TANGO2: variants seen among roughly 807,000 people sequenced by gnomAD.
TANGO2 encodes transport and golgi organization 2 homolog, also known as transport and Golgi organization protein 2 homolog.
In TANGO2, 26 loss-of-function variants were observed where a neutral mutation model predicts 39.1. The observed-to-expected ratio is 0.67, with a 90% CI of 0.49 to 0.92. The LOEUF (loss-of-function observed/expected upper bound fraction) is 0.92. TANGO2 is among the 40% of genes least tolerant of loss of function. The pLI, the probability that TANGO2 is intolerant of heterozygous loss-of-function variation, is 0.00. For missense variants in TANGO2, 326 were observed against 360.1 expected (o/e 0.91, Z 0.77); for synonymous variants, 131 against 144.5 (o/e 0.91, Z 0.67).
At chr22:20,020,445 G>A (rs1156525909), upstream of TANGO2, among the ~76,000 whole-genome samples, 1 of 151,752 alleles carries the variant, frequency 6.6e-6, no homozygotes, top group East Asian at 2.0e-4. Flanking sequence ...CCCTGCACAA[G>A]TCAAGCTGGG....
chr22:20,032,541 C>A (rs1268622133), intron 1 of TANGO2, among the ~76,000 whole-genome samples: 1 of 152,268 alleles, frequency 6.6e-6, no homozygotes, highest in East Asian at 1.9e-4. Flanking sequence ...GCCTCAGGGC[C>A]AACCCTGCAT....
In TANGO2 at chr22:20,057,237, C is replaced by G. The variant is rs772278376; in HGVS notation, c.451+1224C>G. On this transcript the variant is annotated intron_variant, in intron 6 of 8. Transcript: ENST00000327374. This position sits in a 1 kb window ranked among gnomAD's most constrained non-coding sequence, Gnocchi z 4.1. Reference sequence around the variant, plus strand: ...GGGCTGGTGGTGCTGACGGGCTCATCATGAGTCCTGTGGTCCTTGCCTGGC... The same window carrying G: ...GGGCTGGTGGTGCTGACGGGCTCATGATGAGTCCTGTGGTCCTTGCCTGGC... Among the ~76,000 whole-genome samples, 4 of 152,196 alleles carry G rather than the reference C, an allele frequency of 2.6e-5. No individual in the cohort carries two copies. Among genetic ancestry groups the G allele is most frequent in the Admixed American group, 2.0e-4 (3 of 15,282 alleles).
At chr22:20,022,617 G>T (rs1036042908) in intron 1 of TANGO2, among the ~76,000 whole-genome samples, 1 of 152,248 alleles carries the variant, frequency 6.6e-6, no homozygotes, top group African/African-American at 2.4e-5. Flanking sequence ...TTCACTTGTG[G>T]GCTGTCATTC....
intron 2 of TANGO2, chr22:20,037,122 G>A: frequency 6.6e-7 from 1 of 1,509,848 alleles, no homozygotes; most frequent in Non-Finnish European, 8.8e-7. Flanking sequence ...CATGGGTCCA[G>A]GTGGGCTGCA....
At chr22:20,022,985 C>A (rs1378694192) in intron 1 of TANGO2, among the ~76,000 whole-genome samples, 1 of 152,234 alleles carries the variant, frequency 6.6e-6, no homozygotes, top group Non-Finnish European at 1.5e-5. Context: ...CTTGGGCTGT[C>A]TTGAAAACAA....
chr22:20,043,512 G>T, intron 3 of TANGO2, 69 bp downstream of exon 3: 1 of 1,083,218 alleles, frequency 9.2e-7, no homozygotes, highest in South Asian at 1.4e-5. Context: ...TGGCCCGAGT[G>T]ACCCTAACTG....
chr22:20,056,123 T>G (rs1440804009), intron 6 of TANGO2, 110 bp downstream of exon 6: 7 of 927,798 alleles, frequency 7.5e-6, no homozygotes, highest in Non-Finnish European at 1.2e-5. Flanking sequence ...TGAGATGACT[T>G]TGTGGCCATT....
intron 7 of TANGO2, 33 bp from the exon 8 acceptor site, chr22:20,063,305 G>A (rs2048725810): frequency 1.9e-6 from 3 of 1,599,760 alleles, no homozygotes; most frequent in African/African-American, 1.3e-5. Flanking sequence ...GCCACAGAGG[G>A]ACTAATGGCC....
chr22:20,038,801 T>C (rs907916563), intron 2 of TANGO2, among the ~76,000 whole-genome samples: 6 of 152,022 alleles, frequency 3.9e-5, no homozygotes, highest in African/African-American at 1.4e-4. Flanking sequence ...CACAGACACT[T>C]CTATGGAGCC....
chr22:20,054,926 G>T (rs2047058105), intron 5 of TANGO2: 1 of 152,284 alleles, frequency 6.6e-6, no homozygotes, highest in Admixed American at 6.5e-5. Context: ...AACAGTCTCT[G>T]AAATTATGAA....
At chr22:20,035,179 C>T (rs566900247) in intron 1 of TANGO2, among the ~76,000 whole-genome samples, 7 of 152,366 alleles carry the variant, frequency 4.6e-5, no homozygotes, top group Admixed American at 2.0e-4. Context: ...TGACCCAGTG[C>T]GTCTGCACGT....
At chr22:20,048,447 C>G (rs2045670851) in intron 3 of TANGO2, 1 of 152,124 alleles carries the variant, frequency 6.6e-6, no homozygotes, top group Admixed American at 6.5e-5. Flanking sequence ...AATAAATACA[C>G]CATTGTTTCT....
At chr22:20,042,051 A>G (rs2044060302) in intron 2 of TANGO2, among the ~76,000 whole-genome samples, 1 of 151,604 alleles carries the variant, frequency 6.6e-6, no homozygotes, top group South Asian at 2.1e-4. Flanking sequence ...GTGCAGTCAC[A>G]GTTCACTGCA....
intron 3 of TANGO2, among the ~76,000 whole-genome samples, chr22:20,046,317 T>A (rs2045178873): frequency 6.6e-6 from 1 of 152,084 alleles, no homozygotes. Flanking sequence ...AGCTAATTTT[T>A]AAAAATAATT....
At chr22:20,037,616 T>C (rs1193335275) in intron 2 of TANGO2, among the ~76,000 whole-genome samples, 1 of 152,144 alleles carries the variant, frequency 6.6e-6, no homozygotes, top group African/African-American at 2.4e-5. Context: ...AGTGAAGTCA[T>C]TTCAGGCCAA....
Position 20,065,907 on chromosome 22 carries a change from C to G in TANGO2, c.*1245C>G, listed in dbSNP as rs2049142441. On this transcript the variant is annotated 3_prime_UTR_variant, in exon 9 of 9. Coordinates refer to ENST00000327374, the MANE Select transcript of TANGO2 (RefSeq NM_152906.7). ...AATGTGAGCTCCTGATAATAAAACTCTGAGGCTTTGGTGAGCGCATTTCGA... is the reference window on the plus strand; with the variant it reads ...AATGTGAGCTCCTGATAATAAAACTGTGAGGCTTTGGTGAGCGCATTTCGA... 1 of 152,384 alleles carries G rather than the reference C, an allele frequency of 6.6e-6. No homozygotes were observed. The highest frequency in any genetic ancestry group is 6.5e-5 in the Admixed American group (1 of 15,288). 9.4% of individuals were successfully genotyped at this position (152,384 alleles called of 1,614,324 possible).
In TANGO2 at chr22:20,064,522, G is replaced by C. The variant is rs1602438630; in HGVS notation, c.711-20G>C. 5.6e-6 allele frequency: 9 copies of C among 1,613,826 alleles called. No homozygotes were observed. In the East Asian group the frequency reaches 2.0e-4, roughly 36 times the overall value. ...GGGCTGAGGGACACCAGGTGAACGA[G>C]GGCCCCTGCTCTCTTTCAGAACCAA... On this transcript the variant is annotated intron_variant, in intron 8 of 8. Transcript: ENST00000327374.
chr22:20,035,740 C>T (rs527783411), intron 1 of TANGO2, among the ~76,000 whole-genome samples: 2 of 152,180 alleles, frequency 1.3e-5, no homozygotes, highest in African/African-American at 2.4e-5. Flanking sequence ...CTGTTGGAGG[C>T]GGAGGCAGGG....
chr22:20,024,207 A>G (rs1312130438), intron 1 of TANGO2, among the ~76,000 whole-genome samples: 1 of 152,196 alleles, frequency 6.6e-6, no homozygotes, highest in Non-Finnish European at 1.5e-5. Flanking sequence ...GACAAGAGCA[A>G]AACTCCATCT....
Sources: allele counts gnomAD v4.1 joint callset (sites outside exome capture counted in the v4.1 genomes callset), GRCh38; gene constraint gnomAD v4.1.1; non-coding constraint Gnocchi (gnomAD v3.1); transcripts MANE v1.5; gene names NCBI Gene and HGNC (gene_info 2026-07-23, HGNC 2026-07-21).